Variants in ALPK2 observed in about 807,000 individuals in gnomAD.
The protein encoded by ALPK2 is alpha kinase 2, also known as alpha-protein kinase 2.
ALPK2 carries 127 observed loss-of-function variants against 163.1 expected under a neutral mutation model. The observed-to-expected ratio is 0.78, with a 90% CI of 0.67 to 0.90. The LOEUF (loss-of-function observed/expected upper bound fraction) is 0.90. Ranked by LOEUF, ALPK2 falls within the 40% of genes least tolerant of loss-of-function variation. ALPK2 has a pLI of 0.00. For synonymous variants in ALPK2, 953 were observed against 959.1 expected, an observed-to-expected ratio of 0.99 and a Z score of 0.12; for missense variants, 2,360 against 2,589.6, an observed-to-expected ratio of 0.91 and a Z score of 1.92.
chr18:58,607,131 A>G (rs2052102150), intron 3 of ALPK2, among the ~76,000 whole-genome samples, 191 bp downstream of exon 3: 1 of 152,256 alleles, frequency 6.6e-6, no homozygotes, highest in Admixed American at 6.5e-5. Flanking sequence ...TTAGGGGAAT[A>G]TAATTAGTTA....
chr18:58,534,473 A>G (rs149600198), intron 5 of ALPK2, among the ~76,000 whole-genome samples: 1 of 152,344 alleles, frequency 6.6e-6, no homozygotes, highest in Non-Finnish European at 1.5e-5. Context: ...ATATTTTTAA[A>G]TAGATTTTGT....
At chr18:58,583,675 A>G (rs909102460) in intron 3 of ALPK2, among the ~76,000 whole-genome samples, 1 of 149,692 alleles carries the variant, frequency 6.7e-6, no homozygotes, top group Non-Finnish European at 1.5e-5. Context: ...TTAGCCAGGC[A>G]TGGTGATACA....
At chr18:58,483,726 A>ATT (rs35380816) in intron 12 of ALPK2, among the ~76,000 whole-genome samples, 9,937 of 132,716 alleles carry the variant, frequency 0.075, 450 homozygotes, top group African/African-American at 0.12. Flanking sequence ...AATTTTTTGT[A>ATT]TTTTTTTTTT....
chr18:58,561,357 C>G (rs1169679186), intron 4 of ALPK2, among the ~76,000 whole-genome samples: 1 of 152,122 alleles, frequency 6.6e-6, no homozygotes, highest in Non-Finnish European at 1.5e-5. Flanking sequence ...ACTGGGCCTT[C>G]AGGAATGGGC....
At chr18:58,607,639 A>G (rs1224352181) in intron 2 of ALPK2, among the ~76,000 whole-genome samples, 200 bp from the exon 3 acceptor site, 2 of 152,212 alleles carry the variant, frequency 1.3e-5, no homozygotes, top group African/African-American at 4.8e-5. Flanking sequence ...TGAGCATGTT[A>G]TGTACCTAAG....
chr18:58,530,868 A>G (rs1239194476), intron 5 of ALPK2, among the ~76,000 whole-genome samples: 1 of 152,084 alleles, frequency 6.6e-6, no homozygotes, highest in Non-Finnish European at 1.5e-5. Context: ...GTCCCCGGTG[A>G]ATAAAAAGTT....
At chr18:58,606,464 A>G (rs1197543681) in intron 3 of ALPK2, among the ~76,000 whole-genome samples, 2 of 152,206 alleles carry the variant, frequency 1.3e-5, no homozygotes, top group African/African-American at 4.8e-5. Context: ...AAACTTCTAC[A>G]AGCATTACAT....
At chr18:58,553,495 T>C (rs908698620) in intron 4 of ALPK2, among the ~76,000 whole-genome samples, 2 of 152,168 alleles carry the variant, frequency 1.3e-5, no homozygotes, top group African/African-American at 4.8e-5. Flanking sequence ...AATGTTGATA[T>C]GTTTAGGCTT....
intron 10 of ALPK2, among the ~76,000 whole-genome samples, chr18:58,505,253 A>G (rs1274956680): frequency 6.6e-6 from 1 of 151,944 alleles, no homozygotes; most frequent in Non-Finnish European, 1.5e-5. Context: ...AGCATTATCC[A>G]TTTGCTGCCA....
chr18:58,621,419 C>T (rs938664295), intron 1 of ALPK2, among the ~76,000 whole-genome samples: 8 of 152,026 alleles, frequency 5.3e-5, no homozygotes, highest in Non-Finnish European at 8.8e-5. Context: ...CTACAGGCGC[C>T]CGCCACAATG....
rs1421506035 is a variant in ALPK2, at chr18:58,535,725, T to A, written c.4462A>T (p.Lys1488Ter). ...TGCAGGACTTGCCAAATGGCAGTTT[T>A]TGCCTCCTCAGGTTGAATTTGTTCA... ...EAEQIQPEEAKTAIWQVLQPS... is the reference protein window; with the variant it reads ...EAEQIQPEEA The change falls in exon 5 of 13, where the codon AAA becomes TAA. Residue 1488 changes from lysine to a stop codon, truncating the protein, a stop_gained. Transcript: ENST00000361673. LOFTEE classifies it high-confidence loss of function. 7 of 1,614,114 alleles carry A rather than the reference T, an allele frequency of 4.3e-6. No homozygotes were observed. Among genetic ancestry groups the A allele is most frequent in the Non-Finnish European group, 5.1e-6 (6 of 1,180,040 alleles).
chr18:58,552,223 C>T (rs1229345473), intron 4 of ALPK2, among the ~76,000 whole-genome samples: 1 of 152,210 alleles, frequency 6.6e-6, no homozygotes, highest in Non-Finnish European at 1.5e-5. Flanking sequence ...ACCTCCCACC[C>T]CAACCCCAGT....
At chr18:58,625,202 C>A (rs6566989) in intron 1 of ALPK2, among the ~76,000 whole-genome samples, 1 of 150,288 alleles carries the variant, frequency 6.7e-6, no homozygotes, top group Non-Finnish European at 1.5e-5. Flanking sequence ...AAAAAAAAGC[C>A]CCCTAAAAAC....
At position 58,611,694 on chromosome 18, in the gene ALPK2, A is replaced by G; in HGVS notation, c.104T>C (p.Ile35Thr). Residue 35 changes from isoleucine (I) to threonine (T), a missense_variant, in exon 2 of 13, where the codon ATA becomes ACA. Physicochemically the swap from Ile to Thr is moderately conservative, Grantham distance 89. Transcript: ENST00000361673. ...GCTAGTCTAGTGATGGTTACCAGAT[A>G]TTATGCAGCGAAGCACAGCGTCTGA... ...EKSDAVLRCI[I>T]SGQPKPEVTW... 6.2e-7 allele frequency: 1 copy of G among 1,612,098 alleles called. No homozygotes were observed. The highest frequency in any genetic ancestry group is 8.5e-7 in the Non-Finnish European group (1 of 1,179,182).
At chr18:58,607,609 C>A (rs115626517) in intron 2 of ALPK2, among the ~76,000 whole-genome samples, 170 bp from the exon 3 acceptor site, 462 of 152,098 alleles carry the variant, frequency 3.0e-3, no homozygotes, top group African/African-American at 0.01. Flanking sequence ...CAAATAAACA[C>A]GTAATTCAGC....
chr18:58,490,533 C>T (rs1307723586), intron 12 of ALPK2, among the ~76,000 whole-genome samples: 2 of 152,062 alleles, frequency 1.3e-5, no homozygotes, highest in African/African-American at 4.8e-5. Context: ...GTGCTATGGC[C>T]CCTCCCTCAG....
At chr18:58,567,340 C>T (rs1326968890) in intron 4 of ALPK2, among the ~76,000 whole-genome samples, 1 of 151,946 alleles carries the variant, frequency 6.6e-6, no homozygotes, top group African/African-American at 2.4e-5. Context: ...GCCGAGATTG[C>T]GCCACTGCAG....
intron 1 of ALPK2, among the ~76,000 whole-genome samples, chr18:58,617,120 A>C (rs1160868248): frequency 1.3e-5 from 2 of 152,198 alleles, no homozygotes; most frequent in Non-Finnish European, 2.9e-5. Context: ...AGAGCAGAGA[A>C]AAAACAGTTT....
At chr18:58,505,680 G>A (rs759711288) in intron 10 of ALPK2, among the ~76,000 whole-genome samples, 2 of 152,026 alleles carry the variant, frequency 1.3e-5, no homozygotes, top group African/African-American at 2.4e-5. Context: ...ATTCGACATC[G>A]AAACGCAAAT....
Sources: allele counts gnomAD v4.1 joint callset (sites outside exome capture counted in the v4.1 genomes callset), GRCh38; gene constraint gnomAD v4.1.1; transcripts MANE v1.5; gene names NCBI Gene and HGNC (gene_info 2026-07-23, HGNC 2026-07-21).